Variants in SORCS3 observed in about 807,000 individuals in gnomAD.
SORCS3 encodes the protein VPS10 domain-containing receptor SorCS3.
In SORCS3, 57 loss-of-function variants were observed where a neutral mutation model predicts 146.3. The ratio of observed to expected loss-of-function variants is 0.39; its 90% CI spans 0.31 to 0.49. The LOEUF (loss-of-function observed/expected upper bound fraction) is 0.49, where lower values mean the gene tolerates loss of function less well. SORCS3 is among the 20% of genes least tolerant of loss of function. The pLI is 0.92. For missense variants in SORCS3, 1,341 were observed against 1,575.5 expected (o/e 0.85, Z 2.52); for synonymous variants, 653 against 618.5 (o/e 1.06, Z -0.83).
chr10:104,681,254 G>A (rs983626824), intron 1 of SORCS3, among the ~76,000 whole-genome samples: 1 of 152,180 alleles, frequency 6.6e-6, no homozygotes, highest in Non-Finnish European at 1.5e-5. Context: ...AGAGATGAGA[G>A]AGAGCTGGAG....
chr10:104,662,381 G>C (rs560555177), intron 1 of SORCS3, among the ~76,000 whole-genome samples: 1 of 152,154 alleles, frequency 6.6e-6, no homozygotes, highest in Non-Finnish European at 1.5e-5. Flanking sequence ...ATGGTGACTC[G>C]ATGAAGTTTC....
chr10:105,175,655 G>T (rs887475087), intron 13 of SORCS3, among the ~76,000 whole-genome samples: 1 of 152,166 alleles, frequency 6.6e-6, no homozygotes, highest in African/African-American at 2.4e-5. Flanking sequence ...TGAGAAACCT[G>T]TTTCTTTGAC....
chr10:104,850,748 T>G (rs930592608), intron 2 of SORCS3, among the ~76,000 whole-genome samples: 3 of 152,214 alleles, frequency 2.0e-5, no homozygotes, highest in Non-Finnish European at 2.9e-5. Flanking sequence ...TTAGACGAAA[T>G]GATCTTTTGA....
intron 19 of SORCS3, among the ~76,000 whole-genome samples, chr10:105,217,386 A>C (rs1002329587): frequency 2.6e-5 from 4 of 152,214 alleles, no homozygotes; most frequent in African/African-American, 9.6e-5. Flanking sequence ...GTGTGCGTGC[A>C]CACACATTCA....
intron 1 of SORCS3, among the ~76,000 whole-genome samples, chr10:104,699,141 G>A (rs914144531): frequency 5.9e-5 from 9 of 152,156 alleles, no homozygotes; most frequent in African/African-American, 2.2e-4. Flanking sequence ...AAAGTCCCAA[G>A]GGTTTAGGTA....
chr10:104,891,365 A>G (rs1418195303), intron 2 of SORCS3, among the ~76,000 whole-genome samples: 1 of 152,160 alleles, frequency 6.6e-6, no homozygotes, highest in Non-Finnish European at 1.5e-5. Context: ...TCCGCTCTGT[A>G]TATCCAGAGT....
intron 22 of SORCS3, among the ~76,000 whole-genome samples, chr10:105,248,922 T>A (rs1564795481): frequency 6.6e-6 from 1 of 152,214 alleles, no homozygotes; most frequent in Non-Finnish European, 1.5e-5. Flanking sequence ...TTCTTTTTTT[T>A]ATTTCAGTAA....
intron 4 of SORCS3, among the ~76,000 whole-genome samples, chr10:105,010,759 G>A (rs1216009003): frequency 6.7e-6 from 1 of 149,836 alleles, no homozygotes; most frequent in African/African-American, 2.5e-5. Context: ...CTTTTCTGAT[G>A]TTTAAATACT....
intron 6 of SORCS3, among the ~76,000 whole-genome samples, chr10:105,093,090 A>G (rs1264611717): frequency 2.0e-5 from 3 of 152,202 alleles, no homozygotes; most frequent in Non-Finnish European, 4.4e-5. Flanking sequence ...TCCATAAGAA[A>G]ATCTCCTAGA....
intron 2 of SORCS3, among the ~76,000 whole-genome samples, chr10:104,850,566 A>G (rs536003313): frequency 6.6e-6 from 1 of 152,320 alleles, no homozygotes; most frequent in African/African-American, 2.4e-5. Context: ...CCTGGGTGAC[A>G]AAGTGAGACC....
At chr10:104,967,852 G>A (rs1481160034) in intron 3 of SORCS3, among the ~76,000 whole-genome samples, 1 of 151,026 alleles carries the variant, frequency 6.6e-6, no homozygotes, top group Non-Finnish European at 1.5e-5. Flanking sequence ...TAGAGTTGAG[G>A]TTTCACCAAA....
chr10:104,823,169 G>A (rs1038709509), intron 1 of SORCS3, among the ~76,000 whole-genome samples: 13 of 152,128 alleles, frequency 8.5e-5, no homozygotes, highest in African/African-American at 3.1e-4. Context: ...CGACAAAATA[G>A]GGCACAGGGA....
At position 104,827,719 on chromosome 10, in the gene SORCS3, T is replaced by G. The variant is rs2017954081; in HGVS notation, c.628-15073T>G. 2.0e-5 allele frequency among the ~76,000 whole-genome samples: 3 copies of G among 152,160 alleles called. No homozygotes were observed. The South Asian group carries it at 6.2e-4, about 31-fold the overall frequency. On this transcript the variant is annotated intron_variant, in intron 1 of 26. Coordinates refer to ENST00000369701, the MANE Select transcript of SORCS3 (RefSeq NM_014978.3). ...GAGTTCTCCTCTCTAACTATGAAAGTCCCAGATGGCATCTTCTTCCAACAG... is the reference window on the plus strand; with the variant it reads ...GAGTTCTCCTCTCTAACTATGAAAGGCCCAGATGGCATCTTCTTCCAACAG...
At chr10:104,769,632 A>G (rs971446166) in intron 1 of SORCS3, among the ~76,000 whole-genome samples, 2 of 152,030 alleles carry the variant, frequency 1.3e-5, no homozygotes, top group Non-Finnish European at 2.9e-5. Flanking sequence ...GCCAGGGGAG[A>G]TCCACCAAGA....
intron 4 of SORCS3, among the ~76,000 whole-genome samples, chr10:105,024,184 G>A (rs1157279141): frequency 6.6e-6 from 1 of 152,218 alleles, no homozygotes; most frequent in Non-Finnish European, 1.5e-5. Flanking sequence ...TCTTCACACT[G>A]TATTGTTTGT....
intron 1 of SORCS3, among the ~76,000 whole-genome samples, chr10:104,776,639 CTATT>C: frequency 6.6e-6 from 1 of 152,054 alleles, no homozygotes; most frequent in Non-Finnish European, 1.5e-5. Flanking sequence ...GGAAGATTGT[CTATT>C]TATCTTTTCT....
chr10:105,241,866 G>A (rs1196785269), intron 20 of SORCS3, among the ~76,000 whole-genome samples: 1 of 152,114 alleles, frequency 6.6e-6, no homozygotes, highest in Admixed American at 6.5e-5. Flanking sequence ...CCATTCAAAG[G>A]TGGGCATGAC....
chr10:105,058,723 G>A (rs1025748830), intron 5 of SORCS3, among the ~76,000 whole-genome samples: 5 of 152,102 alleles, frequency 3.3e-5, no homozygotes, highest in African/African-American at 1.2e-4. Context: ...CTGGCTTTCT[G>A]CATCCTCATC....
intron 1 of SORCS3, among the ~76,000 whole-genome samples, chr10:104,714,534 T>G (rs1378775068): frequency 6.6e-6 from 1 of 152,244 alleles, no homozygotes; most frequent in Non-Finnish European, 1.5e-5. Context: ...TGTTGTTTAA[T>G]TTCCAAATAT....
Sources: allele counts gnomAD v4.1 joint callset (sites outside exome capture counted in the v4.1 genomes callset), GRCh38; gene constraint gnomAD v4.1.1; transcripts MANE v1.5; gene names NCBI Gene and HGNC (gene_info 2026-07-23, HGNC 2026-07-21).